NCDN: variants seen among roughly 807,000 people sequenced by gnomAD.
NCDN encodes the protein neurochondrin.
In NCDN, 9 loss-of-function variants were observed where a neutral mutation model predicts 60.7. The ratio of observed to expected loss-of-function variants is 0.15; its 90% CI spans 0.09 to 0.26. The LOEUF (loss-of-function observed/expected upper bound fraction) is 0.26. NCDN is among the 10% of genes least tolerant of loss of function. The probability of loss-of-function intolerance (pLI) is 1.00; values close to 1 mark genes in which losing one functional copy is unlikely to be tolerated. For synonymous variants in NCDN, 409 were observed against 442.5 expected (o/e 0.92, Z 0.95); for missense variants, 578 against 975.2 (o/e 0.59, Z 5.42).
chr1:35,560,950 C>T lies in NCDN; in HGVS notation c.799C>T (p.Arg267Cys), dbSNP rs777301908. 1.4e-5 allele frequency: 23 copies of T among 1,612,604 alleles called. No individual in the cohort carries two copies. The highest frequency in any genetic ancestry group is 9.3e-5 in the African/African-American group (7 of 74,910). Residue 267 changes from arginine (R) to cysteine (C), a missense_variant, in exon 3 of 7, where the codon CGC becomes TGC. By Grantham distance (180) the Arg-to-Cys change is radical. Around this residue, in one of 3 missense-constraint regions of NCDN, gnomAD observed 363 missense variants for 583.6 expected, o/e 0.62. Coordinates refer to ENST00000373243, the MANE Select transcript of NCDN (RefSeq NM_014284.3). This position sits in a 1 kb window ranked among gnomAD's most constrained non-coding sequence, Gnocchi z 7.6. The stretch of plus-strand genomic sequence containing the variant: ...CCGGGATCTGCAGGCCGGGCTGGCA[C>T]GCATCCTGGGAAGCAAGCTGAGCTC... ...CYRDLQAGLA[R>C]ILGSKLSSWQ... is the part of the protein sequence containing the mutation.
In NCDN at chr1:35,565,201, G is replaced by A. The variant is rs1648832607; in HGVS notation, c.1754-26G>A. 1 of 1,578,386 alleles carries A rather than the reference G, an allele frequency of 6.3e-7. No homozygotes were observed. Among genetic ancestry groups the A allele is most frequent in the Non-Finnish European group, 8.6e-7 (1 of 1,157,186 alleles). Reference sequence around the variant, plus strand: ...ACAGCAGCTGGCCTGTCCGATTCATGCCCCACTCCTTCCGTTACCTTGCAG... The same window carrying A: ...ACAGCAGCTGGCCTGTCCGATTCATACCCCACTCCTTCCGTTACCTTGCAG... On this transcript the variant is annotated intron_variant, in intron 6 of 6. Coordinates refer to ENST00000373243, the MANE Select transcript of NCDN (RefSeq NM_014284.3). The surrounding 1 kb of genome is among the most constrained non-coding windows in gnomAD (Gnocchi z 8.9).
Position 35,558,247 on chromosome 1 carries a change from T to C in NCDN, c.33+24T>C. Reference sequence around the variant, plus strand: ...AGGTGGTGACCGCCAGGAACCCTCCTCCCCTTCTCATCTCCCCATCTCAGC... The same window carrying C: ...AGGTGGTGACCGCCAGGAACCCTCCCCCCCTTCTCATCTCCCCATCTCAGC... On this transcript the variant is annotated intron_variant, in intron 1 of 6. Transcript: ENST00000373243. This position sits in a 1 kb window ranked among gnomAD's most constrained non-coding sequence, Gnocchi z 6.3. 1.2e-6 allele frequency: 2 copies of C among 1,613,916 alleles called. 1 individual carries two copies. The highest frequency in any genetic ancestry group is 2.2e-5 in the South Asian group (2 of 91,068).
At position 35,562,399 on chromosome 1, in the gene NCDN, C is replaced by T; in HGVS notation, c.1151C>T (p.Ser384Leu). The change falls in exon 4 of 7, where the codon TCA becomes TTA. Residue 384 changes from serine (S) to leucine (L), a missense_variant. Physicochemically the swap from Ser to Leu is moderately radical, Grantham distance 145. Transcript: ENST00000373243. The surrounding 1 kb of genome is among the most constrained non-coding windows in gnomAD (Gnocchi z 6.8). Reference sequence around the variant, plus strand: ...GGGGTCCTGTGGCAACAGGTGGGGTCAGAGAAGCAGAAGGAGCCCTTTGTG... The same window carrying T: ...GGGGTCCTGTGGCAACAGGTGGGGTTAGAGAAGCAGAAGGAGCCCTTTGTG... ...AVIHYLLQVGSEKQKEPFVFA... is the reference protein window; with the variant it reads ...AVIHYLLQVGLEKQKEPFVFA... 3.1e-6 allele frequency: 5 copies of T among 1,613,856 alleles called. No individual in the cohort carries two copies. The highest frequency in any genetic ancestry group is 4.2e-6 in the Non-Finnish European group (5 of 1,179,878).
At position 35,566,579 on chromosome 1, in the gene NCDN, C is replaced by T. The variant is rs985855669; in HGVS notation, c.*916C>T. 2.5e-5 allele frequency: 9 copies of T among 354,648 alleles called. No individual in the cohort carries two copies. Among genetic ancestry groups the T allele is most frequent in the African/African-American group, 1.7e-4 (8 of 46,574 alleles). The allele number at this position is 354,648 out of a possible 1,614,324, so 22.0% of individuals were successfully genotyped here. ...CTGCTATGACTCCTCTCTGCAGAGA[C>T]GCGACTGGCGGCTCCAGCAGGGACT... is the stretch of plus-strand genomic sequence containing the variant. On this transcript the variant is annotated 3_prime_UTR_variant, in exon 7 of 7. Coordinates refer to ENST00000373243, the MANE Select transcript of NCDN (RefSeq NM_014284.3). This position sits in a 1 kb window ranked among gnomAD's most constrained non-coding sequence, Gnocchi z 5.3.
rs919483307 is a variant in NCDN, at chr1:35,562,139, A to G, written c.1144-253A>G. ...CAGCGAGTACGGGGGCATGTCACTC[A>G]ATTCACTCAGGCCCAGTTCACTCAG... On this transcript the variant is annotated intron_variant, in intron 3 of 6. Transcript: ENST00000373243. This position sits in a 1 kb window ranked among gnomAD's most constrained non-coding sequence, Gnocchi z 6.8. Among the ~76,000 whole-genome samples, 1 of 152,134 alleles carries G rather than the reference A, an allele frequency of 6.6e-6. No individual in the cohort carries two copies. The highest frequency in any genetic ancestry group is 1.5e-5 in the Non-Finnish European group (1 of 68,018).
chr1:35,558,394 G>A lies in NCDN; in HGVS notation c.33+171G>A. The A allele has an allele frequency of 1.3e-6, 2 of 1,492,246 alleles. No homozygotes were observed. The highest frequency in any genetic ancestry group is 1.8e-6 in the Non-Finnish European group (2 of 1,126,244). The allele number at this position is 1,492,246 out of a possible 1,614,324, so 92.4% of individuals were successfully genotyped here. A position where few individuals can be genotyped will look rare whatever the true frequency, so the allele number is the denominator to read the frequency against. The stretch of plus-strand genomic sequence containing the variant: ...GCTGGTAGCGGGACGGGGAGGGCGA[G>A]AAGAGGGAGCGCAAGGGGTTAATTC... On this transcript the variant is annotated intron_variant, in intron 1 of 6. Transcript: ENST00000373243. This position sits in a 1 kb window ranked among gnomAD's most constrained non-coding sequence, Gnocchi z 6.3.
At position 35,561,156 on chromosome 1, in the gene NCDN, C is replaced by T. The variant is rs369068328; in HGVS notation, c.1005C>T (p.Thr335=). The T allele has an allele frequency of 9.3e-6, 15 of 1,608,572 alleles. No individual in the cohort carries two copies. Among genetic ancestry groups the T allele is most frequent in the South Asian group, 3.3e-5 (3 of 90,340 alleles). Residue 335 remains threonine (T), a synonymous_variant, in exon 3 of 7, where the codon ACC becomes ACT. Transcript: ENST00000373243. This position sits in a 1 kb window ranked among gnomAD's most constrained non-coding sequence, Gnocchi z 4.9. ...CGGAGGTGAAAGAGGATGTGGTGAC[C>T]GCCTGCTATGCCCTCATGGAGTTGG... ...TGTEVKEDVV[T]ACYALMELGI...
rs1002345511 is a variant in NCDN at position 35,566,711 on chromosome 1, G to A, written c.*1048G>A. The A allele has an allele frequency of 5.3e-5, 24 of 451,654 alleles. No homozygotes were observed. Among genetic ancestry groups the A allele is most frequent in the South Asian group, 1.1e-4 (7 of 63,516 alleles). 28.0% of individuals were successfully genotyped at this position (451,654 alleles called of 1,614,324 possible). A position where few individuals can be genotyped will look rare whatever the true frequency, so the allele number is the denominator to read the frequency against. On this transcript the variant is annotated 3_prime_UTR_variant, in exon 7 of 7. Transcript: ENST00000373243. This position sits in a 1 kb window ranked among gnomAD's most constrained non-coding sequence, Gnocchi z 5.3. ...ATCCCTTGCTTCCCTCCCCCAGTGC[G>A]TTCTGTGATCGCCAAGTTCAAAGCT...
In NCDN at chr1:35,558,195, C is replaced by T. The variant is rs1389908922; in HGVS notation, c.5C>T (p.Ser2Leu). The T allele has an allele frequency of 6.2e-7, 1 of 1,614,044 alleles. No individual in the cohort carries two copies. Among genetic ancestry groups the T allele is most frequent in the Non-Finnish European group, 8.5e-7 (1 of 1,180,000 alleles). The change falls in exon 1 of 7, where the codon TCG becomes TTG. Residue 2 changes from serine (S) to leucine (L), a missense_variant. Around this residue, in one of 3 missense-constraint regions of NCDN, gnomAD observed 363 missense variants for 583.6 expected, o/e 0.62. Transcript: ENST00000373243. This position sits in a 1 kb window ranked among gnomAD's most constrained non-coding sequence, Gnocchi z 6.3. M[S>L]CCDLAAAGQL... ...CGCCCTGTCGTGACTTCATCAATGT[C>T]GTGTTGTGACCTGGCTGCGGCGGGA...
At position 35,560,748 on chromosome 1, in the gene NCDN, G is replaced by T. The variant is rs1267032213; in HGVS notation, c.597G>T (p.Leu199=). Residue 199 remains leucine (L), a synonymous_variant, in exon 3 of 7, where the codon CTG becomes CTT. Transcript: ENST00000373243. The surrounding 1 kb of genome is among the most constrained non-coding windows in gnomAD (Gnocchi z 7.6). ...GYGFDQALAL[L]VGLLAAAETQ... ...GCTTTGACCAGGCCCTGGCACTCCT[G>T]GTGGGGCTGCTGGCTGCTGCCGAGA... The T allele has an allele frequency of 6.2e-7, 1 of 1,612,286 alleles. No homozygotes were observed. Among genetic ancestry groups the T allele is most frequent in the Non-Finnish European group, 8.5e-7 (1 of 1,180,030 alleles).
rs747807124 is a variant in NCDN at position 35,563,226 on chromosome 1, C to T, written c.1410C>T (p.His470=). 9.4e-5 allele frequency: 151 copies of T among 1,613,754 alleles called. No individual in the cohort carries two copies. Among genetic ancestry groups the T allele is most frequent in the Non-Finnish European group, 1.1e-4 (133 of 1,179,770 alleles). Residue 470 remains histidine (H), a synonymous_variant, in exon 5 of 7, where the codon CAC becomes CAT. Coordinates refer to ENST00000373243, the MANE Select transcript of NCDN (RefSeq NM_014284.3). The surrounding 1 kb of genome is among the most constrained non-coding windows in gnomAD (Gnocchi z 6.6). The part of the protein sequence containing the change: ...ALRLLLPGWC[H]LTVEDGPREI... ...GGCTCCTCCTGCCTGGCTGGTGCCA[C>T]CTGACCGTTGAAGATGGGCCCCGGG...
At position 35,558,392 on chromosome 1, in the gene NCDN, G is replaced by A. The variant is rs534568335; in HGVS notation, c.33+169G>A. ...AGGCTGGTAGCGGGACGGGGAGGGC[G>A]AGAAGAGGGAGCGCAAGGGGTTAAT... is the stretch of plus-strand genomic sequence containing the variant. On this transcript the variant is annotated intron_variant, in intron 1 of 6. Coordinates refer to ENST00000373243, the MANE Select transcript of NCDN (RefSeq NM_014284.3). This position sits in a 1 kb window ranked among gnomAD's most constrained non-coding sequence, Gnocchi z 6.3. The A allele has an allele frequency of 1.2e-5, 18 of 1,490,616 alleles. No homozygotes were observed. The South Asian group carries it at 1.3e-4, about 11-fold the overall frequency. The allele number at this position is 1,490,616 out of a possible 1,614,324, so 92.3% of individuals were successfully genotyped here.
rs1194644023 is a variant in NCDN, at chr1:35,558,954, G to C, written c.34-153G>C. 1 of 396,170 alleles carries C rather than the reference G, an allele frequency of 2.5e-6. No homozygotes were observed. Among genetic ancestry groups the C allele is most frequent in the African/African-American group, 2.2e-5 (1 of 45,700 alleles). 24.5% of individuals were successfully genotyped at this position (396,170 alleles called of 1,614,324 possible). ...ATCCAGCCCCTTAAAGGGGCTTCTGGGGGGAGGTCAGTCCTGAGGAGTCCA... is the reference window on the plus strand; with the variant it reads ...ATCCAGCCCCTTAAAGGGGCTTCTGCGGGGAGGTCAGTCCTGAGGAGTCCA... On this transcript the variant is annotated intron_variant, in intron 1 of 6. Transcript: ENST00000373243. This position sits in a 1 kb window ranked among gnomAD's most constrained non-coding sequence, Gnocchi z 6.3.
At chr1:35,559,738 A>C in intron 2 of NCDN, among the ~76,000 whole-genome samples, 1 of 102,954 alleles carries the variant, frequency 9.7e-6, no homozygotes, top group Non-Finnish European at 1.9e-5. Context: ...AGTGCTAGGA[A>C]GGGGGGGTTG....
In NCDN at chr1:35,558,618, G is replaced by A; in HGVS notation, c.33+395G>A. Reference sequence around the variant, plus strand: ...TATCTCTGCCTCTGAAGAAGGGAGGGGAAAGGAAGCCTGGGGTGTCCTTTT... The same window carrying A: ...TATCTCTGCCTCTGAAGAAGGGAGGAGAAAGGAAGCCTGGGGTGTCCTTTT... On this transcript the variant is annotated intron_variant, in intron 1 of 6. Coordinates refer to ENST00000373243, the MANE Select transcript of NCDN (RefSeq NM_014284.3). The surrounding 1 kb of genome is among the most constrained non-coding windows in gnomAD (Gnocchi z 6.3). 8.5e-7 allele frequency: 1 copy of A among 1,171,948 alleles called. No homozygotes were observed. Among genetic ancestry groups the A allele is most frequent in the Admixed American group, 4.2e-5 (1 of 23,814 alleles). 72.6% of individuals were successfully genotyped at this position (1,171,948 alleles called of 1,614,324 possible). A position where few individuals can be genotyped will look rare whatever the true frequency, so the allele number is the denominator to read the frequency against.
In NCDN at chr1:35,562,759, G is replaced by A. The variant is rs1220317014; in HGVS notation, c.1385+126G>A. 1 of 1,329,284 alleles carries A rather than the reference G, an allele frequency of 7.5e-7. No individual in the cohort carries two copies. Among genetic ancestry groups the A allele is most frequent in the East Asian group, 2.6e-5 (1 of 39,140 alleles). The allele number at this position is 1,329,284 out of a possible 1,614,324, so 82.3% of individuals were successfully genotyped here. A position where few individuals can be genotyped will look rare whatever the true frequency, so the allele number is the denominator to read the frequency against. On this transcript the variant is annotated intron_variant, in intron 4 of 6. Transcript: ENST00000373243. This position sits in a 1 kb window ranked among gnomAD's most constrained non-coding sequence, Gnocchi z 6.8. ...ATTGGGCCATGAGATATCCCTTAGG[G>A]TTATTTCTGTTTTGGGGGGCTTGTT...
In NCDN at chr1:35,562,530, C is replaced by T; in HGVS notation, c.1282C>T (p.Leu428Phe). The change falls in exon 4 of 7, where the codon CTC becomes TTC. Residue 428 changes from leucine (L) to phenylalanine (F), a missense_variant. By Grantham distance (22) the Leu-to-Phe change is conservative. Coordinates refer to ENST00000373243, the MANE Select transcript of NCDN (RefSeq NM_014284.3). The surrounding 1 kb of genome is among the most constrained non-coding windows in gnomAD (Gnocchi z 6.8). ...CTTCCTCGTCCGCTATGCCAAGACC[C>T]TCTACGAGGAGGCCGAGGAGGCCAA... ...LPFLVRYAKT[L>F]YEEAEEANDL... 1.2e-6 allele frequency: 2 copies of T among 1,614,146 alleles called. No individual in the cohort carries two copies. Among genetic ancestry groups the T allele is most frequent in the South Asian group, 1.1e-5 (1 of 91,080 alleles).
rs778468809 is a variant in NCDN, at chr1:35,565,749, C to T, written c.*86C>T. On this transcript the variant is annotated 3_prime_UTR_variant, in exon 7 of 7. Coordinates refer to ENST00000373243, the MANE Select transcript of NCDN (RefSeq NM_014284.3). The surrounding 1 kb of genome is among the most constrained non-coding windows in gnomAD (Gnocchi z 8.9). ...TTCCCTGAAGCCCCCAATCTGGCCC[C>T]CCCCTCCCCAGACTTCCTCCCCAAA... 1.5e-6 allele frequency: 2 copies of T among 1,374,192 alleles called. No homozygotes were observed. The highest frequency in any genetic ancestry group is 1.9e-6 in the Non-Finnish European group (2 of 1,035,628). 85.1% of individuals were successfully genotyped at this position (1,374,192 alleles called of 1,614,324 possible). A position where few individuals can be genotyped will look rare whatever the true frequency, so the allele number is the denominator to read the frequency against.
In NCDN at chr1:35,562,849, C is replaced by T. The variant is rs989568645; in HGVS notation, c.1385+216C>T. Among the ~76,000 whole-genome samples the T allele has an allele frequency of 6.6e-6, 1 of 152,210 alleles. No homozygotes were observed. Among genetic ancestry groups the T allele is most frequent in the Non-Finnish European group, 1.5e-5 (1 of 68,044 alleles). ...CCCAGATTTCTCAGTTAAAAGAGAACTTATACTTATTGAGCACCTACTACG... is the reference window on the plus strand; with the variant it reads ...CCCAGATTTCTCAGTTAAAAGAGAATTTATACTTATTGAGCACCTACTACG... On this transcript the variant is annotated intron_variant, in intron 4 of 6. Coordinates refer to ENST00000373243, the MANE Select transcript of NCDN (RefSeq NM_014284.3). The surrounding 1 kb of genome is among the most constrained non-coding windows in gnomAD (Gnocchi z 6.8).
Sources: gnomAD v4.1 joint callset for allele counts (sites outside exome capture counted in the v4.1 genomes callset) on GRCh38, gnomAD v4.1.1 for gene constraint, gnomAD v4.1.1 regional missense constraint, Gnocchi (gnomAD v3.1) non-coding constraint, MANE v1.5 for transcripts, NCBI Gene and HGNC (gene_info 2026-07-23, HGNC 2026-07-21) for gene names.